The following CEP128 variants were observed in gnomAD, a reference collection of about 807,000 sequenced individuals.
CEP128 encodes the protein centrosomal protein 128.
In CEP128, 132 loss-of-function variants were observed where a neutral mutation model predicts 156.7. That is an observed-to-expected ratio of 0.84 (90% CI 0.73 to 0.97). CEP128 has a LOEUF of 0.97. Among genes scored for constraint, CEP128 ranks in the 50% least tolerant of loss-of-function variants. CEP128 has a pLI of 0.00. For missense variants in CEP128, 1,252 were observed against 1,281.9 expected (o/e 0.98, Z 0.36); for synonymous variants, 469 against 448.9 (o/e 1.04, Z -0.57).
chr14:80,664,978 T>C (rs148821130), intron 19 of CEP128, among the ~76,000 whole-genome samples: 1,699 of 152,342 alleles, frequency 0.011, 24 homozygotes, highest in Non-Finnish European at 0.014. Context: ...CACAACAGGA[T>C]ATCCTACTGA....
At chr14:80,670,796 A>T (rs1895809032) in intron 19 of CEP128, among the ~76,000 whole-genome samples, 1 of 152,148 alleles carries the variant, frequency 6.6e-6, no homozygotes, top group Admixed American at 6.5e-5. Flanking sequence ...AATTTACATA[A>T]ATTTTAAAAA....
chr14:80,865,185 T>G (rs1475285922), intron 8 of CEP128, among the ~76,000 whole-genome samples: 1 of 152,184 alleles, frequency 6.6e-6, no homozygotes, highest in African/African-American at 2.4e-5. Context: ...GTATTTATAT[T>G]TTTGTATCTG....
chr14:80,507,423 C>T (rs1317159978), intron 23 of CEP128, among the ~76,000 whole-genome samples: 1 of 152,162 alleles, frequency 6.6e-6, no homozygotes, highest in African/African-American at 2.4e-5. Flanking sequence ...CATTGGGCAA[C>T]TAGAGGCAGG....
chr14:80,869,574 A>G (rs369925946), intron 8 of CEP128, among the ~76,000 whole-genome samples: 37 of 152,184 alleles, frequency 2.4e-4, no homozygotes, highest in African/African-American at 7.5e-4. Flanking sequence ...GCCACTGTCA[A>G]TAGAAGAAAG....
intron 15 of CEP128, among the ~76,000 whole-genome samples, chr14:80,780,241 C>T (rs987487458): frequency 6.6e-6 from 1 of 152,084 alleles, no homozygotes; most frequent in African/African-American, 2.4e-5. Context: ...CACAGAAATA[C>T]AACATTTATA....
intron 23 of CEP128, among the ~76,000 whole-genome samples, chr14:80,525,112 A>T (rs896292050): frequency 2.0e-5 from 3 of 152,212 alleles, no homozygotes; most frequent in Admixed American, 6.5e-5. Context: ...AATGTTTTAA[A>T]TGTTTCATTT....
At chr14:80,840,975 CT>C (rs1461790736) in intron 9 of CEP128, among the ~76,000 whole-genome samples, 2 of 152,116 alleles carry the variant, frequency 1.3e-5, no homozygotes. Context: ...ACTTTGTTTC[CT>C]TTTTTTCCCC....
intron 8 of CEP128, among the ~76,000 whole-genome samples, chr14:80,868,870 T>C (rs1887898258): frequency 1.3e-5 from 2 of 151,868 alleles, no homozygotes; most frequent in Admixed American, 1.3e-4. Flanking sequence ...TCAGAGAAAA[T>C]ACACTATAAG....
intron 19 of CEP128, among the ~76,000 whole-genome samples, chr14:80,673,236 C>T (rs1007375413): frequency 4.6e-5 from 7 of 152,156 alleles, no homozygotes; most frequent in Non-Finnish European, 7.4e-5. Context: ...TACGTCTTTG[C>T]GGTATTTGTT....
chr14:80,778,467 A>G (rs1900921657), intron 15 of CEP128, among the ~76,000 whole-genome samples: 2 of 152,220 alleles, frequency 1.3e-5, no homozygotes, highest in African/African-American at 4.8e-5. Context: ...TTACTAACTG[A>G]TAAGTTCCCT....
chr14:80,721,759 C>T (rs1897825577), intron 19 of CEP128, among the ~76,000 whole-genome samples: 1 of 152,094 alleles, frequency 6.6e-6, no homozygotes, highest in African/African-American at 2.4e-5. Flanking sequence ...AATAAATAAA[C>T]AGGTGAATTC....
At chr14:80,678,786 C>A (rs1896194062) in intron 19 of CEP128, among the ~76,000 whole-genome samples, 1 of 152,154 alleles carries the variant, frequency 6.6e-6, no homozygotes, top group African/African-American at 2.4e-5. Context: ...CAGGCATTTT[C>A]CAAGACTCAG....
chr14:80,892,223 T>G (rs115353149), intron 8 of CEP128, among the ~76,000 whole-genome samples: 1 of 151,840 alleles, frequency 6.6e-6, no homozygotes, highest in African/African-American at 2.4e-5. Context: ...CATACACCAA[T>G]AGAACAGAAC....
At chr14:80,848,575 G>A (rs544206739) in intron 9 of CEP128, among the ~76,000 whole-genome samples, 9 of 151,820 alleles carry the variant, frequency 5.9e-5, no homozygotes, top group Admixed American at 3.9e-4. Flanking sequence ...GCAGAGAATC[G>A]CTTGAACCTG....
intron 19 of CEP128, among the ~76,000 whole-genome samples, chr14:80,697,739 C>T (rs1198773327): frequency 6.6e-6 from 1 of 151,868 alleles, no homozygotes; most frequent in East Asian, 1.9e-4. Context: ...TTTTGTATGT[C>T]CTTTGTTTTA....
intron 19 of CEP128, among the ~76,000 whole-genome samples, chr14:80,661,426 T>C (rs1202871796): frequency 6.6e-6 from 1 of 152,160 alleles, no homozygotes; most frequent in East Asian, 1.9e-4. Flanking sequence ...AGCAGGAAGT[T>C]GCTCTTAGGT....
intron 19 of CEP128, among the ~76,000 whole-genome samples, chr14:80,641,210 T>G (rs1048713504): frequency 6.6e-6 from 1 of 152,196 alleles, no homozygotes; most frequent in African/African-American, 2.4e-5. Context: ...CATTTACCCC[T>G]TCTGTATAAC....
At chr14:80,530,186 C>T (rs952486318) in intron 22 of CEP128, among the ~76,000 whole-genome samples, 2 of 152,170 alleles carry the variant, frequency 1.3e-5, no homozygotes, top group South Asian at 2.1e-4. Flanking sequence ...AGGCTATATA[C>T]GACGTTCTTG....
chr14:80,649,527 A>G (rs990819278), intron 19 of CEP128, among the ~76,000 whole-genome samples: 2 of 152,154 alleles, frequency 1.3e-5, no homozygotes, highest in Non-Finnish European at 1.5e-5. Context: ...ACATGATGCC[A>G]GAGCATGACG....
Sources: gnomAD v4.1 joint callset for allele counts (sites outside exome capture counted in the v4.1 genomes callset) on GRCh38, gnomAD v4.1.1 for gene constraint, MANE v1.5 for transcripts, NCBI Gene and HGNC (gene_info 2026-07-23, HGNC 2026-07-21) for gene names.